The following CEP57L1 variants were observed in gnomAD, a reference collection of about 807,000 sequenced individuals.
The protein encoded by CEP57L1 is centrosomal protein CEP57L1.
A neutral mutation model predicts 61.0 loss-of-function variants in CEP57L1; 37 were observed. The observed-to-expected ratio is 0.61, with a 90% confidence interval of 0.47 to 0.80. The LOEUF is 0.80. Among genes scored for constraint, CEP57L1 ranks in the 30% least tolerant of loss-of-function variants. The probability of loss-of-function intolerance (pLI) is 0.00; values close to 1 mark genes in which losing one functional copy is unlikely to be tolerated. For synonymous variants in CEP57L1, 137 were observed against 162.3 expected (o/e 0.84, Z 1.19); for missense variants, 422 against 524.7 (o/e 0.80, Z 1.91).
At position 109,166,302 on chromosome 6, in the gene CEP57L1, T is replaced by A. The variant is rs1293307879; in HGVS notation, c.*3332T>A. On this transcript the variant is annotated 3_prime_UTR_variant, in exon 11 of 11. Transcript: ENST00000517392. ...TTTTTTGGTAGCTTTCTTACTTTAT[T>A]CCTTTTTTTCTATACCTGCCAGTAG... is the stretch of plus-strand genomic sequence containing the variant. Among the ~76,000 whole-genome samples, 1 of 152,140 alleles carries A rather than the reference T, an allele frequency of 6.6e-6. No homozygotes were observed. Among genetic ancestry groups the A allele is most frequent in the Middle Eastern group, 3.2e-3 (1 of 316 alleles).
chr6:109,120,740 C>A (rs1414994187), intron 1 of CEP57L1, among the ~76,000 whole-genome samples: 1 of 152,138 alleles, frequency 6.6e-6, no homozygotes, highest in East Asian at 1.9e-4. Context: ...GTGGATTTTA[C>A]ACAGTTCCAC....
chr6:109,107,506 C>G (rs1194422763), intron 1 of CEP57L1, among the ~76,000 whole-genome samples: 1 of 152,098 alleles, frequency 6.6e-6, no homozygotes, highest in Non-Finnish European at 1.5e-5. Flanking sequence ...ATTATGGATT[C>G]TTTTTATTTT....
upstream of CEP57L1, chr6:109,095,216 C>T (rs1206519812): frequency 7.1e-6 from 7 of 985,388 alleles, no homozygotes; most frequent in East Asian, 1.1e-4. Context: ...CGTTCCCGGA[C>T]GTTTGGACTC....
intron 1 of CEP57L1, among the ~76,000 whole-genome samples, chr6:109,133,345 A>G (rs1308931566): frequency 1.3e-5 from 2 of 152,168 alleles, no homozygotes; most frequent in South Asian, 2.1e-4. Context: ...GATCCCTGAT[A>G]TGCGCAGTTC....
chr6:109,136,699 AT>A (rs148320370), intron 1 of CEP57L1, among the ~76,000 whole-genome samples: 4,183 of 109,120 alleles, frequency 0.038, 187 homozygotes, highest in African/African-American at 0.12. Context: ...TGAAACTTGT[AT>A]TTTTATTTTA....
At position 109,171,063 on chromosome 6, in the gene CEP57L1, G is replaced by C. The variant is rs889363861; in HGVS notation, c.*8093G>C. The stretch of plus-strand genomic sequence containing the variant: ...TACATTCTTGATTCTCTCAAGGTAT[G>C]ATTTAAATGGTGGACACTTAAGCCA... On this transcript the variant is annotated 3_prime_UTR_variant, in exon 11 of 11. Coordinates refer to ENST00000517392, the MANE Select transcript of CEP57L1 (RefSeq NM_001271852.3). 2.0e-5 allele frequency among the ~76,000 whole-genome samples: 3 copies of C among 152,002 alleles called. No homozygotes were observed. The highest frequency in any genetic ancestry group is 4.4e-5 in the Non-Finnish European group (3 of 68,028).
chr6:109,100,145 AC>A lies in CEP57L1; in HGVS notation c.-4+4571del, dbSNP rs765277017. 107 of 152,320 alleles carry A rather than the reference AC, an allele frequency of 7.0e-4. 1 individual carries two copies. Among genetic ancestry groups the A allele is most frequent in the Admixed American group, 4.1e-3 (62 of 15,292 alleles). 9.4% of individuals were successfully genotyped at this position (152,320 alleles called of 1,614,324 possible). On this transcript the variant is annotated intron_variant, in intron 1 of 10. Transcript: ENST00000517392. ...AGAGCTTAAGCACACAAGAGGAACT[AC>A]TGTGCTTGTTTTTGTTGATCATCTT...
intron 2 of CEP57L1, among the ~76,000 whole-genome samples, chr6:109,146,101 A>G (rs1371970954): frequency 6.6e-6 from 1 of 151,956 alleles, no homozygotes. Flanking sequence ...CAAAATGGTA[A>G]TCTCTAGCAA....
Position 109,147,015 on chromosome 6 carries a change from G to T in CEP57L1, c.340+78G>T, listed in dbSNP as rs937597484. On this transcript the variant is annotated intron_variant, in intron 3 of 10. Coordinates refer to ENST00000517392, the MANE Select transcript of CEP57L1 (RefSeq NM_001271852.3). ...AAAAATAATAAACCTAGTCTAAGCC[G>T]ATGTACTCAGATATCTTTATTCTTA... 1.4e-5 allele frequency: 15 copies of T among 1,083,488 alleles called. No individual in the cohort carries two copies. In the African/African-American group the frequency reaches 2.5e-4, roughly 18 times the overall value. The allele number at this position is 1,083,488 out of a possible 1,614,324, so 67.1% of individuals were successfully genotyped here.
At chr6:109,138,891 A>G (rs9386771) in intron 1 of CEP57L1, among the ~76,000 whole-genome samples, 1 of 152,220 alleles carries the variant, frequency 6.6e-6, no homozygotes, top group Non-Finnish European at 1.5e-5. Context: ...TTCCTTCGTC[A>G]TAGTTTCATG....
At chr6:109,099,807 CAA>C (rs1472877212) in intron 1 of CEP57L1, among the ~76,000 whole-genome samples, 1 of 152,194 alleles carries the variant, frequency 6.6e-6, no homozygotes, top group Non-Finnish European at 1.5e-5. Context: ...CTCGGCCTCC[CAA>C]AGTGCTGGGA....
chr6:109,153,766 A>G, intron 4 of CEP57L1, 67 bp from the exon 5 acceptor site: 3 of 842,054 alleles, frequency 3.6e-6, no homozygotes, highest in South Asian at 2.9e-5. Context: ...CAGAAATTGT[A>G]TTATTCTTGT....
At chr6:109,116,456 G>C (rs1772317201) in intron 1 of CEP57L1, among the ~76,000 whole-genome samples, 1 of 152,152 alleles carries the variant, frequency 6.6e-6, no homozygotes. Flanking sequence ...GATTAAAGGA[G>C]TGAGCCACGG....
chr6:109,161,949 G>A (rs1227611460), intron 10 of CEP57L1, among the ~76,000 whole-genome samples: 2 of 152,078 alleles, frequency 1.3e-5, no homozygotes, highest in Non-Finnish European at 2.9e-5. Flanking sequence ...CTATGCTCAA[G>A]TGAAATAGCT....
intron 1 of CEP57L1, among the ~76,000 whole-genome samples, chr6:109,123,724 T>C (rs1173841875): frequency 6.6e-6 from 1 of 152,186 alleles, no homozygotes. Context: ...CCTAATTTTC[T>C]CTAGTTTTTC....
intron 1 of CEP57L1, among the ~76,000 whole-genome samples, chr6:109,097,026 A>G (rs1025362107): frequency 6.6e-6 from 1 of 152,140 alleles, no homozygotes; most frequent in Admixed American, 6.5e-5. Context: ...AACATACCTA[A>G]AACCAAATGC....
chr6:109,152,689 C>G lies in CEP57L1; in HGVS notation c.463-1144C>G, dbSNP rs149495888. 8.0e-3 allele frequency among the ~76,000 whole-genome samples: 1,201 copies of G among 149,970 alleles called. 20 individuals are homozygous for G. Among genetic ancestry groups the G allele is most frequent in the African/African-American group, 0.028 (1,151 of 40,714 alleles). On this transcript the variant is annotated intron_variant, in intron 4 of 10. Coordinates refer to ENST00000517392, the MANE Select transcript of CEP57L1 (RefSeq NM_001271852.3). ...TGTGTGTGTGTGTGTGTATAACTTT[C>G]CTTTTCTCTGTGTTCTTATGTTTTA...
intron 3 of CEP57L1, among the ~76,000 whole-genome samples, chr6:109,148,667 A>G (rs1772241079): frequency 6.6e-6 from 1 of 152,164 alleles, no homozygotes; most frequent in South Asian, 2.1e-4. Context: ...TGGTATTTCT[A>G]GTTCTAGATC....
rs186017863 is a variant in CEP57L1 at position 109,128,800 on chromosome 6, G to A, written c.-3-16419G>A. Among the ~76,000 whole-genome samples the A allele has an allele frequency of 5.3e-5, 8 of 152,118 alleles. No homozygotes were observed. The East Asian group carries it at 5.8e-4, about 11-fold the overall frequency. ...CACTAATGGTATATTTCCAGTTTTC[G>A]TGTTCCTGCTAAACCTCTTATTGTT... On this transcript the variant is annotated intron_variant, in intron 1 of 10. Coordinates refer to ENST00000517392, the MANE Select transcript of CEP57L1 (RefSeq NM_001271852.3).
Sources: allele counts gnomAD v4.1 joint callset (sites outside exome capture counted in the v4.1 genomes callset), GRCh38; gene constraint gnomAD v4.1.1; transcripts MANE v1.5; gene names NCBI Gene and HGNC (gene_info 2026-07-23, HGNC 2026-07-21).